The following KLHDC4 variants were observed in gnomAD, a reference collection of about 807,000 sequenced individuals.
The protein encoded by KLHDC4 is kelch domain-containing protein 4.
A neutral mutation model predicts 62.4 loss-of-function variants in KLHDC4; 90 were observed. The observed-to-expected ratio is 1.44, with a 90% confidence interval of 1.22 to 1.72. The LOEUF is 1.72. Among genes scored for constraint, KLHDC4 ranks in the 40% most tolerant of loss-of-function variants. The pLI is 0.00. For synonymous variants in KLHDC4, 386 were observed against 284.4 expected (o/e 1.36, Z -3.59); for missense variants, 1,025 against 699.7 (o/e 1.47, Z -5.25).
intron 5 of KLHDC4, among the ~76,000 whole-genome samples, chr16:87,733,946 A>G (rs191372289): frequency 1.3e-5 from 2 of 152,370 alleles, no homozygotes; most frequent in East Asian, 3.9e-4. Context: ...GCCTATTTAG[A>G]TAATGCATTC....
intron 4 of KLHDC4, among the ~76,000 whole-genome samples, chr16:87,754,564 T>C (rs764176364): frequency 3.3e-4 from 51 of 152,314 alleles, no homozygotes; most frequent in South Asian, 6.2e-4. Context: ...GGTCACCTGA[T>C]GCGTTGATCT....
Position 87,702,308 on chromosome 16 carries a change from G to A in KLHDC4, c.207C>T (p.Ser69=), listed in dbSNP as rs757866209. Residue 69 remains serine (S), a synonymous_variant, in exon 1 of 1, where the codon AGC becomes AGT. Transcript: ENST00000446344. ...GGCAAGGAGGGCCGGTCTGCCGGGG[G>A]CTCCCAGGCCCTGGGGTCAGGCTGA... 38 of 456,238 alleles carry A rather than the reference G, an allele frequency of 8.3e-5. No homozygotes were observed. The East Asian group carries it at 2.2e-3, about 27-fold the overall frequency. 28.3% of individuals were successfully genotyped at this position (456,238 alleles called of 1,614,324 possible). A position where few individuals can be genotyped will look rare whatever the true frequency, so the allele number is the denominator to read the frequency against.
At chr16:87,758,267 G>A (rs553257020) in intron 2 of KLHDC4, among the ~76,000 whole-genome samples, 2 of 152,308 alleles carry the variant, frequency 1.3e-5, no homozygotes, top group South Asian at 2.1e-4. Flanking sequence ...TGCAATGCTC[G>A]TTACGGCCTC....
At chr16:87,705,315 G>A (rs920239766), downstream of KLHDC4, among the ~76,000 whole-genome samples, 34 of 152,328 alleles carry the variant, frequency 2.2e-4, no homozygotes, top group Middle Eastern at 3.4e-3. Context: ...CAGGCCCGTG[G>A]GGCAGGCAGA....
intron 5 of KLHDC4, among the ~76,000 whole-genome samples, chr16:87,743,814 G>C (rs1024444134): frequency 6.6e-6 from 1 of 152,128 alleles, no homozygotes; most frequent in African/African-American, 2.4e-5. Context: ...GTCAGGATTT[G>C]ACACTCTTAC....
At chr16:87,728,723 A>G (rs117713349) in intron 6 of KLHDC4, among the ~76,000 whole-genome samples, 385 of 152,182 alleles carry the variant, frequency 2.5e-3, no homozygotes, top group South Asian at 6.8e-3. Context: ...GCTCAAGCCT[A>G]TAATCACAGC....
chr16:87,702,464 C>A, exon 1 of KLHDC4: 1 of 362,526 alleles, frequency 2.8e-6, no homozygotes. Context: ...CCCGCGTCCC[C>A]AAATGTAGCC....
intron 5 of KLHDC4, among the ~76,000 whole-genome samples, chr16:87,743,270 ACTT>A (rs1368382611): frequency 3.9e-5 from 6 of 151,936 alleles, no homozygotes; most frequent in African/African-American, 1.5e-4. Context: ...CACCTAGCTA[ACTT>A]CTTTAGAGAT....
chr16:87,732,208 G>C (rs908513222), intron 5 of KLHDC4, among the ~76,000 whole-genome samples: 5 of 150,198 alleles, frequency 3.3e-5, no homozygotes, highest in African/African-American at 9.8e-5. Context: ...TGAATCTCCT[G>C]TCTCAGCCTC....
intron 4 of KLHDC4, among the ~76,000 whole-genome samples, chr16:87,754,927 T>C (rs1433002037): frequency 2.6e-5 from 4 of 152,138 alleles, no homozygotes; most frequent in South Asian, 2.1e-4. Context: ...ATTCTGCCAG[T>C]GGCTGCGACA....
In KLHDC4 at chr16:87,762,132, C is replaced by T. The variant is rs1397266332; in HGVS notation, c.100-92G>A. The T allele has an allele frequency of 6.4e-6, 10 of 1,562,990 alleles. 1 individual carries two copies. In the South Asian group the frequency reaches 9.5e-5, roughly 15 times the overall value. On this transcript the variant is annotated intron_variant, in intron 1 of 11. Coordinates refer to ENST00000270583, the MANE Select transcript of KLHDC4 (RefSeq NM_017566.4). Reference sequence around the variant, plus strand: ...CAGCTTTCCTCCAATCAGTGTGATTCGACTGGGCTCAGTCACATCTGTGAA... The same window carrying T: ...CAGCTTTCCTCCAATCAGTGTGATTTGACTGGGCTCAGTCACATCTGTGAA...
chr16:87,731,284 C>T (rs1178053728), intron 5 of KLHDC4, among the ~76,000 whole-genome samples: 7 of 151,596 alleles, frequency 4.6e-5, no homozygotes, highest in Admixed American at 2.0e-4. Context: ...AGGCTGGTCT[C>T]GAACTCCTGA....
chr16:87,739,849 T>C (rs59668810), intron 5 of KLHDC4: 8,753 of 152,340 alleles, frequency 0.057, 326 homozygotes, highest in South Asian at 0.16. Flanking sequence ...GGGTGTCTGC[T>C]AAAAAGACGG....
At chr16:87,761,881 A>ATT (rs955598792) in intron 2 of KLHDC4, 68 bp downstream of exon 2, 3 of 1,473,852 alleles carry the variant, frequency 2.0e-6, no homozygotes, top group Non-Finnish European at 2.8e-6. Context: ...ACCTGGTGCT[A>ATT]TTTAAAGCAG....
At chr16:87,754,698 G>A (rs114146000) in intron 4 of KLHDC4, among the ~76,000 whole-genome samples, 80 of 152,146 alleles carry the variant, frequency 5.3e-4, no homozygotes, top group African/African-American at 1.7e-3. Flanking sequence ...GTCTAACTCC[G>A]GAAGCCCCTT....
intron 5 of KLHDC4, among the ~76,000 whole-genome samples, chr16:87,744,048 G>A (rs565368310): frequency 9.8e-5 from 15 of 152,292 alleles, no homozygotes; most frequent in African/African-American, 3.6e-4. Context: ...GGAGGCCGAG[G>A]GGGGCAGATC....
At chr16:87,748,635 G>C (rs760527896) in intron 5 of KLHDC4, 38 bp downstream of exon 5, 2 of 1,612,648 alleles carry the variant, frequency 1.2e-6, no homozygotes, top group African/African-American at 1.3e-5. Context: ...GCACAGAAGA[G>C]CCATGCCCGG....
chr16:87,755,055 T>A, intron 4 of KLHDC4, 139 bp downstream of exon 4: 1 of 565,490 alleles, frequency 1.8e-6, no homozygotes. Context: ...GGAATCCAAG[T>A]GAGCAAACAG....
chr16:87,738,101 C>G (rs2041651041), intron 5 of KLHDC4, among the ~76,000 whole-genome samples: 1 of 152,166 alleles, frequency 6.6e-6, no homozygotes, highest in African/African-American at 2.4e-5. Context: ...CAACCCACCA[C>G]CCAGAGGGCA....
Sources: allele counts gnomAD v4.1 joint callset (sites outside exome capture counted in the v4.1 genomes callset), GRCh38; gene constraint gnomAD v4.1.1; transcripts MANE v1.5; gene names NCBI Gene and HGNC (gene_info 2026-07-23, HGNC 2026-07-21).